ZBTB46: variants seen among roughly 807,000 people sequenced by gnomAD.
ZBTB46 encodes the protein zinc finger and BTB domain-containing protein 46.
A neutral mutation model predicts 44.1 loss-of-function variants in ZBTB46; 8 were observed. The ratio of observed to expected loss-of-function variants is 0.18; its 90% confidence interval spans 0.11 to 0.33. ZBTB46 has a LOEUF of 0.33. ZBTB46 is among the 10% of genes least tolerant of loss of function. The pLI is 1.00. For synonymous variants in ZBTB46, 409 were observed against 382.3 expected (o/e 1.07, Z -0.81); for missense variants, 651 against 847.7 (o/e 0.77, Z 2.88).
In ZBTB46 at chr20:63,790,319, C is replaced by A. The variant is rs773907493; in HGVS notation, c.439G>T (p.Gly147Cys). Residue 147 changes from glycine (G) to cysteine (C), a missense_variant, in exon 2 of 5, where the codon GGC becomes TGC. By Grantham distance (159) the Gly-to-Cys change is radical. This residue lies in a region of ZBTB46 where 385 missense variants were observed against 423.3 expected (regional missense o/e 0.91). Coordinates refer to ENST00000245663, the MANE Select transcript of ZBTB46 (RefSeq NM_001369741.1). ...TCCGTGCTGCTGCTGGACGAGGCGC[C>A]GATCTCGAACTCCGCAAGCTCATCT... is the stretch of plus-strand genomic sequence containing the variant. Reference protein sequence around the residue: ...ASDELAEFEIGASSSSSTEAL... With the variant: ...ASDELAEFEICASSSSSTEAL... 1 of 1,613,092 alleles carries A rather than the reference C, an allele frequency of 6.2e-7. No individual in the cohort carries two copies. Among genetic ancestry groups the A allele is most frequent in the Admixed American group, 1.7e-5 (1 of 59,996 alleles).
At position 63,761,016 on chromosome 20, in the gene ZBTB46, T is replaced by C. The variant is rs1025875791; in HGVS notation, c.1223-8155A>G. ...TGATAGCTCTTTTTTTTTTTTTTTT[T>C]CAGATGGAGTCTCGTTCTGACATCC... On this transcript the variant is annotated intron_variant, in intron 3 of 4. Coordinates refer to ENST00000245663, the MANE Select transcript of ZBTB46 (RefSeq NM_001369741.1). Among the ~76,000 whole-genome samples, 96 of 117,960 alleles carry C rather than the reference T, an allele frequency of 8.1e-4. 2 individuals are homozygous for C. The highest frequency in any genetic ancestry group is 3.3e-3 in the African/African-American group (95 of 28,394). 77.4% of individuals were successfully genotyped at this position (117,960 alleles called of 152,430 possible). A position where few individuals can be genotyped will look rare whatever the true frequency, so the allele number is the denominator to read the frequency against.
intron 4 of ZBTB46, among the ~76,000 whole-genome samples, chr20:63,747,564 C>A (rs1159485243): frequency 3.2e-5 from 1 of 31,136 alleles, no homozygotes; most frequent in Non-Finnish European, 5.9e-5. Context: ...GAGCAGGGCC[C>A]GGTTGGGGTT....
chr20:63,822,455 C>T (rs754497746), intron 1 of ZBTB46, among the ~76,000 whole-genome samples: 11 of 152,166 alleles, frequency 7.2e-5, no homozygotes, highest in African/African-American at 1.4e-4. Context: ...CTCTAGGCCC[C>T]GACAAAGGAG....
intron 1 of ZBTB46, among the ~76,000 whole-genome samples, chr20:63,795,642 G>A (rs1477571377): frequency 1.3e-5 from 2 of 152,342 alleles, no homozygotes; most frequent in East Asian, 3.9e-4. Context: ...CAAAGCCCGG[G>A]TGCTCCCACC....
chr20:63,792,573 G>A (rs2092570247), intron 1 of ZBTB46, among the ~76,000 whole-genome samples: 1 of 151,946 alleles, frequency 6.6e-6, no homozygotes, highest in Non-Finnish European at 1.5e-5. Flanking sequence ...CTGGAGTGCA[G>A]TGGTTTGATC....
At chr20:63,798,273 T>A (rs2092618069) in intron 1 of ZBTB46, among the ~76,000 whole-genome samples, 1 of 152,164 alleles carries the variant, frequency 6.6e-6, no homozygotes, top group Admixed American at 6.6e-5. Flanking sequence ...CCATTCCTTA[T>A]TTTTGTCAGG....
intron 1 of ZBTB46, 165 bp from the exon 2 acceptor site, chr20:63,790,955 G>C: frequency 3.0e-6 from 3 of 993,308 alleles, no homozygotes. Flanking sequence ...CTGTGTCTCC[G>C]CCTGAAGCAG....
upstream of ZBTB46, among the ~76,000 whole-genome samples, chr20:63,833,442 T>C (rs1407337420): frequency 6.6e-6 from 1 of 152,036 alleles, no homozygotes; most frequent in East Asian, 1.9e-4. Context: ...ATACAAAAAA[T>C]TAGCCAGGCG....
In ZBTB46 at chr20:63,746,999, AT is replaced by A. The variant is rs1182561842; in HGVS notation, c.1700del (p.Asp567ValfsTer94). The part of the protein sequence containing the change: ...PEDALLADDK[D>X]EEDSPRPRSP... The stretch of plus-strand genomic sequence containing the variant: ...TGCGCGGCCGCGGCGAGTCTTCCTC[AT>A]CCTTGTCGTCCGCCAACAGCGCATC... On this transcript the variant is annotated frameshift_variant, in exon 5 of 5. Transcript: ENST00000245663. LOFTEE classifies it high-confidence loss of function. 1 of 1,607,472 alleles carries A rather than the reference AT, an allele frequency of 6.2e-7. No individual in the cohort carries two copies. The highest frequency in any genetic ancestry group is 1.3e-5 in the African/African-American group (1 of 74,894).
intron 3 of ZBTB46, chr20:63,769,321 T>TGAGGGTG: frequency 1.0e-6 from 1 of 985,424 alleles, no homozygotes. Context: ...CCTGTGGCTC[T>TGAGGGTG]GAGGGTGGAG....
intron 1 of ZBTB46, among the ~76,000 whole-genome samples, chr20:63,793,009 G>A (rs937120806): frequency 2.6e-5 from 4 of 152,108 alleles, no homozygotes; most frequent in Non-Finnish European, 4.4e-5. Flanking sequence ...GCAGAAGACC[G>A]GGCCCAGCCT....
Position 63,746,859 on chromosome 20 carries a change from A to G in ZBTB46, c.*71T>C, listed in dbSNP as rs2092094427. 1.4e-6 allele frequency: 2 copies of G among 1,427,996 alleles called. No homozygotes were observed. The highest frequency in any genetic ancestry group is 1.5e-5 in the South Asian group (1 of 66,426). 88.5% of individuals were successfully genotyped at this position (1,427,996 alleles called of 1,614,324 possible). On this transcript the variant is annotated 3_prime_UTR_variant, in exon 5 of 5. Coordinates refer to ENST00000245663, the MANE Select transcript of ZBTB46 (RefSeq NM_001369741.1). Reference sequence around the variant, plus strand: ...GGGGTGAGCGTGGCCCTGGCCCCGCAGTGGAGACCCACCGGACACACACAC... The same window carrying G: ...GGGGTGAGCGTGGCCCTGGCCCCGCGGTGGAGACCCACCGGACACACACAC...
intron 1 of ZBTB46, among the ~76,000 whole-genome samples, chr20:63,802,339 C>T (rs1568886941): frequency 6.6e-6 from 1 of 152,084 alleles, no homozygotes; most frequent in Non-Finnish European, 1.5e-5. Flanking sequence ...ACAAGAATCA[C>T]TTGAACCGGG....
At chr20:63,781,440 C>G (rs1266952768) in intron 2 of ZBTB46, among the ~76,000 whole-genome samples, 1 of 152,144 alleles carries the variant, frequency 6.6e-6, no homozygotes, top group African/African-American at 2.4e-5. Context: ...TGGACAGACA[C>G]TTTACCAAAA....
rs1462774168 is a variant in ZBTB46 at position 63,774,224 on chromosome 20, A to C, written c.1222+1454T>G. ...GGCTCCTCACTGAGTACACGGAATA[A>C]AGGGAAGGTGAACACCACTTTCCAC... On this transcript the variant is annotated intron_variant, in intron 3 of 4. Transcript: ENST00000245663. 2.6e-5 allele frequency among the ~76,000 whole-genome samples: 4 copies of C among 152,090 alleles called. No homozygotes were observed. The East Asian group carries it at 7.7e-4, about 29-fold the overall frequency.
At chr20:63,830,931 T>TGGCCCCCGGGAGGG (rs1202731333) in intron 1 of ZBTB46, among the ~76,000 whole-genome samples, 166 bp downstream of exon 1, 1 of 136,912 alleles carries the variant, frequency 7.3e-6, no homozygotes, top group Non-Finnish European at 1.6e-5. Context: ...GGAGCGCCGA[T>TGGCCCCCGGGAGGG]GGCCCCCGGG....
At chr20:63,823,816 C>T (rs1375567089) in intron 1 of ZBTB46, among the ~76,000 whole-genome samples, 2 of 150,664 alleles carry the variant, frequency 1.3e-5, no homozygotes, top group Non-Finnish European at 2.9e-5. Flanking sequence ...ATTCCTTTTC[C>T]TCTGTCCTGA....
chr20:63,788,383 C>T (rs2092532923), intron 2 of ZBTB46: 1 of 152,180 alleles, frequency 6.6e-6, no homozygotes, highest in South Asian at 2.1e-4. Context: ...GAATGGTGGC[C>T]AGTATTCAGC....
chr20:63,827,330 G>A (rs558756326), intron 1 of ZBTB46, among the ~76,000 whole-genome samples: 24 of 152,312 alleles, frequency 1.6e-4, no homozygotes, highest in East Asian at 5.8e-4. Context: ...AAAGATGGCC[G>A]GGCGCGGTGG....
Sources: gnomAD v4.1 joint callset for allele counts (sites outside exome capture counted in the v4.1 genomes callset) on GRCh38, gnomAD v4.1.1 for gene constraint, gnomAD v4.1.1 regional missense constraint, MANE v1.5 for transcripts, NCBI Gene and HGNC (gene_info 2026-07-23, HGNC 2026-07-21) for gene names.